The following MBOAT2 variants were observed in gnomAD, a reference collection of about 807,000 sequenced individuals.
MBOAT2 encodes membrane-bound glycerophospholipid O-acyltransferase 2.
MBOAT2 carries 28 observed loss-of-function variants against 63.4 expected under a neutral mutation model. The observed-to-expected ratio is 0.44, with a 90% CI of 0.33 to 0.61. The LOEUF (loss-of-function observed/expected upper bound fraction) is 0.61. Among genes scored for constraint, MBOAT2 ranks in the 20% least tolerant of loss-of-function variants. MBOAT2 has a pLI of 0.03. For missense variants in MBOAT2, 470 were observed against 605.8 expected, an observed-to-expected ratio of 0.78 and a Z score of 2.35; for synonymous variants, 211 against 215.6, an observed-to-expected ratio of 0.98 and a Z score of 0.19.
chr2:8,936,930 A>G (rs957663368), intron 3 of MBOAT2, among the ~76,000 whole-genome samples: 3 of 152,246 alleles, frequency 2.0e-5, no homozygotes, highest in African/African-American at 7.2e-5. Flanking sequence ...ATATCGCAGA[A>G]CACGCCACAT....
chr2:8,921,349 A>G (rs1360284510), intron 3 of MBOAT2, among the ~76,000 whole-genome samples: 1 of 152,204 alleles, frequency 6.6e-6, no homozygotes, highest in African/African-American at 2.4e-5. Context: ...GCTTGCTCCA[A>G]TTCAGCTTCA....
intron 3 of MBOAT2, among the ~76,000 whole-genome samples, chr2:8,932,558 A>G (rs1667395941): frequency 6.6e-6 from 1 of 152,222 alleles, no homozygotes. Context: ...ATTCTTTACA[A>G]GAATCTCACT....
At chr2:8,888,527 C>G (rs1397792747) in intron 4 of MBOAT2, among the ~76,000 whole-genome samples, 1 of 152,154 alleles carries the variant, frequency 6.6e-6, no homozygotes, top group Non-Finnish European at 1.5e-5. Context: ...AGACTCTAAA[C>G]ACAGCCATCT....
chr2:8,863,534 A>T (rs1432399140), intron 10 of MBOAT2, among the ~76,000 whole-genome samples: 3 of 152,076 alleles, frequency 2.0e-5, no homozygotes, highest in African/African-American at 7.2e-5. Context: ...TTCACGAGAC[A>T]CGCTCCTGAC....
chr2:8,988,088 A>G lies in MBOAT2; in HGVS notation c.75+15452T>C, dbSNP rs554423462. Among the ~76,000 whole-genome samples, 28 of 152,316 alleles carry G rather than the reference A, an allele frequency of 1.8e-4. 1 individual carries two copies. In the East Asian group the frequency reaches 3.5e-3, roughly 19 times the overall value. Reference sequence around the variant, plus strand: ...AGAAGAATTAGCTCTCAAACAGCAAAAACATTATGAAGTACCTCATTTCAC... The same window carrying G: ...AGAAGAATTAGCTCTCAAACAGCAAGAACATTATGAAGTACCTCATTTCAC... On this transcript the variant is annotated intron_variant, in intron 1 of 12. Coordinates refer to ENST00000305997, the MANE Select transcript of MBOAT2 (RefSeq NM_138799.4).
rs757393914 is a variant in MBOAT2, at chr2:8,965,641, C to T, written c.76-6999G>A. ...TGTATATTTTCTCCAGCTTTATATG[C>T]TTTAAATTTCCTCCCTCTTACTAGA... On this transcript the variant is annotated intron_variant, in intron 1 of 12. Transcript: ENST00000305997. 5.3e-5 allele frequency among the ~76,000 whole-genome samples: 8 copies of T among 152,118 alleles called. No individual in the cohort carries two copies. In the South Asian group the frequency reaches 8.3e-4, roughly 16 times the overall value.
rs533330780 is a variant in MBOAT2 at position 8,971,193 on chromosome 2, G to A, written c.76-12551C>T. 1.4e-4 allele frequency among the ~76,000 whole-genome samples: 21 copies of A among 152,336 alleles called. 1 individual carries two copies. The highest frequency in any genetic ancestry group is 4.8e-4 in the African/African-American group (20 of 41,576). On this transcript the variant is annotated intron_variant, in intron 1 of 12. Transcript: ENST00000305997. ...ATGATCAAGTGGGCTTCAACCCTGGGATGCAAGGCTGGTTTAACATATGCA... is the reference window on the plus strand; with the variant it reads ...ATGATCAAGTGGGCTTCAACCCTGGAATGCAAGGCTGGTTTAACATATGCA...
intron 3 of MBOAT2, among the ~76,000 whole-genome samples, chr2:8,936,133 T>C (rs931043794): frequency 1.1e-4 from 16 of 152,170 alleles, no homozygotes; most frequent in African/African-American, 3.9e-4. Context: ...TAACAGTAAT[T>C]GCCTGTGGTG....
At chr2:8,988,541 T>C (rs935708203) in intron 1 of MBOAT2, among the ~76,000 whole-genome samples, 6 of 152,196 alleles carry the variant, frequency 3.9e-5, no homozygotes, top group Non-Finnish European at 5.9e-5. Context: ...GGATTCATTA[T>C]ATGACAACTT....
Position 8,858,844 on chromosome 2 carries a change from T to C in MBOAT2, c.1398A>G (p.Lys466=), listed in dbSNP as rs763845259. 6.8e-6 allele frequency: 11 copies of C among 1,613,814 alleles called. No homozygotes were observed. The Admixed American group carries it at 1.2e-4, about 17-fold the overall frequency. Reference sequence around the variant, plus strand: ...GTGTATTCTTTCTTCTTTGAGTTTTTTTCACTGGCAACAACAATAATACTA... The same window carrying C: ...GTGTATTCTTTCTTCTTTGAGTTTTCTTCACTGGCAACAACAATAATACTA... The part of the protein sequence containing the change: ...GILVLLLLPV[K]KTQRRKNTHE... Residue 466 remains lysine (K), a synonymous_variant, in exon 13 of 13, where the codon AAA becomes AAG. Coordinates refer to ENST00000305997, the MANE Select transcript of MBOAT2 (RefSeq NM_138799.4).
At position 8,864,801 on chromosome 2, in the gene MBOAT2, T is replaced by G. The variant is rs76418594; in HGVS notation, c.988-567A>C. 4.2e-3 allele frequency among the ~76,000 whole-genome samples: 646 copies of G among 152,314 alleles called. 8 individuals carry two copies. The highest frequency in any genetic ancestry group is 0.015 in the African/African-American group (605 of 41,560). On this transcript the variant is annotated intron_variant, in intron 9 of 12. Transcript: ENST00000305997. ...CAAGTTACTCCCACTAAAGCTATTC[T>G]TTGATCTCAGAGGGGGCCTTTCATC...
chr2:8,868,856 G>C (rs183412132), intron 8 of MBOAT2, among the ~76,000 whole-genome samples: 25 of 152,156 alleles, frequency 1.6e-4, no homozygotes, highest in African/African-American at 5.8e-4. Flanking sequence ...TGTGCCACTG[G>C]AACACAGCAG....
intron 2 of MBOAT2, among the ~76,000 whole-genome samples, chr2:8,945,202 G>A (rs550104962): frequency 1.3e-5 from 2 of 152,100 alleles, no homozygotes; most frequent in Non-Finnish European, 2.9e-5. Context: ...GTAAACCTTC[G>A]TTGCTGCAAC....
chr2:8,930,861 T>TA (rs564611399), intron 3 of MBOAT2, among the ~76,000 whole-genome samples: 3,711 of 151,020 alleles, frequency 0.025, 67 homozygotes, highest in Non-Finnish European at 0.033. Flanking sequence ...ACTTAAAGTA[T>TA]AAAAAAAAAC....
chr2:8,932,004 C>T (rs994236760), intron 3 of MBOAT2, among the ~76,000 whole-genome samples: 23 of 152,130 alleles, frequency 1.5e-4, no homozygotes, highest in African/African-American at 4.6e-4. Flanking sequence ...ATAAATGCCA[C>T]GCTCAATTGT....
chr2:8,941,935 T>A (rs891729752), intron 3 of MBOAT2, among the ~76,000 whole-genome samples: 9 of 152,222 alleles, frequency 5.9e-5, no homozygotes, highest in African/African-American at 2.2e-4. Flanking sequence ...TAATCTAATC[T>A]AATCTAAACC....
chr2:8,993,838 T>C (rs1033410926), intron 1 of MBOAT2, among the ~76,000 whole-genome samples: 1 of 152,110 alleles, frequency 6.6e-6, no homozygotes, highest in Non-Finnish European at 1.5e-5. Context: ...CAGAGAACAC[T>C]CTCCTAGGCT....
chr2:8,862,148 T>C lies in MBOAT2; in HGVS notation c.1185+442A>G, dbSNP rs984816031. On this transcript the variant is annotated intron_variant, in intron 11 of 12. Coordinates refer to ENST00000305997, the MANE Select transcript of MBOAT2 (RefSeq NM_138799.4). This position sits in a 1 kb window ranked among gnomAD's most constrained non-coding sequence, Gnocchi z 4.3. ...CTATGTTCTGTCTAGGCAAATACTC[T>C]AAAGAACTGTGTCCTCTTCCAGTGT... 2.5e-6 allele frequency: 1 copy of C among 394,678 alleles called. No homozygotes were observed. The highest frequency in any genetic ancestry group is 4.3e-6 in the Non-Finnish European group (1 of 233,228). 24.4% of individuals were successfully genotyped at this position (394,678 alleles called of 1,614,324 possible).
chr2:8,950,529 G>A (rs1668755876), intron 2 of MBOAT2, among the ~76,000 whole-genome samples: 1 of 152,218 alleles, frequency 6.6e-6, no homozygotes, highest in Non-Finnish European at 1.5e-5. Context: ...CCGGGTTCAT[G>A]CCATTCTCCT....
Sources: gnomAD v4.1 joint callset for allele counts (sites outside exome capture counted in the v4.1 genomes callset) on GRCh38, gnomAD v4.1.1 for gene constraint, Gnocchi (gnomAD v3.1) non-coding constraint, MANE v1.5 for transcripts, NCBI Gene and HGNC (gene_info 2026-07-23, HGNC 2026-07-21) for gene names.